HEG1: variants seen among roughly 807,000 people sequenced by gnomAD.
HEG1 encodes the protein heart development protein with EGF like domains 1.
HEG1 carries 56 observed loss-of-function variants against 125.6 expected under a neutral mutation model. That is an observed-to-expected ratio of 0.45 (90% CI 0.36 to 0.56). The LOEUF is 0.56. Among genes scored for constraint, HEG1 ranks in the 20% least tolerant of loss-of-function variants. The pLI is 0.00. For synonymous variants in HEG1, 644 were observed against 668.5 expected (o/e 0.96, Z 0.57); for missense variants, 1,523 against 1,670.0 (o/e 0.91, Z 1.53).
chr3:125,009,848 C>T (rs182093098), intron 7 of HEG1, 24 bp from the exon 8 acceptor site: 3 of 1,596,860 alleles, frequency 1.9e-6, no homozygotes, highest in South Asian at 2.3e-5. Flanking sequence ...AAAAGAAGAA[C>T]ATCTTGCATC....
At chr3:125,033,295 C>A (rs1321362155) in intron 1 of HEG1, among the ~76,000 whole-genome samples, 1 of 152,100 alleles carries the variant, frequency 6.6e-6, no homozygotes, top group East Asian at 1.9e-4. Context: ...GGCACCTGTT[C>A]AACATTTGTG....
chr3:124,979,432 T>A (rs1936610214), intron 14 of HEG1, among the ~76,000 whole-genome samples: 1 of 152,234 alleles, frequency 6.6e-6, no homozygotes. Flanking sequence ...TCAAATTTAA[T>A]TACCAGAAAT....
intron 11 of HEG1, among the ~76,000 whole-genome samples, chr3:125,000,002 A>C (rs1000700767): frequency 1.3e-5 from 2 of 152,164 alleles, no homozygotes; most frequent in African/African-American, 4.8e-5. Context: ...CTTATGCTGG[A>C]AACACCCAGA....
chr3:125,055,636 A>G lies in HEG1; in HGVS notation c.255T>C (p.Pro85=), dbSNP rs1206309964. 3.3e-6 allele frequency: 4 copies of G among 1,197,416 alleles called. No homozygotes were observed. Among genetic ancestry groups the G allele is most frequent in the Non-Finnish European group, 4.1e-6 (4 of 965,808 alleles). 74.2% of individuals were successfully genotyped at this position (1,197,416 alleles called of 1,614,324 possible). A position where few individuals can be genotyped will look rare whatever the true frequency, so the allele number is the denominator to read the frequency against. Residue 85 remains proline (P), a synonymous_variant, in exon 1 of 17, where the codon CCT becomes CCC. Coordinates refer to ENST00000311127, the MANE Select transcript of HEG1 (RefSeq NM_020733.2). ...PATPGPSYRA[P]EPGAATQRGP... ...CCCGCTGTGTCGCGGCGCCTGGCTC[A>G]GGGGCCCTGTAGCTGGGGCCGGGGG... is the stretch of plus-strand genomic sequence containing the variant.
At chr3:124,978,174 G>A (rs1017523738) in intron 14 of HEG1, among the ~76,000 whole-genome samples, 4 of 152,156 alleles carry the variant, frequency 2.6e-5, no homozygotes, top group Admixed American at 2.6e-4. Context: ...CTGAGACAGA[G>A]TCTCACCCTG....
chr3:125,000,853 T>C (rs1275382043), intron 11 of HEG1, among the ~76,000 whole-genome samples: 1 of 152,240 alleles, frequency 6.6e-6, no homozygotes, highest in African/African-American at 2.4e-5. Context: ...TGGTTTAGAC[T>C]AGATTCTCCA....
At chr3:125,032,268 G>C (rs1175067610) in intron 1 of HEG1, among the ~76,000 whole-genome samples, 2 of 152,188 alleles carry the variant, frequency 1.3e-5, no homozygotes, top group Non-Finnish European at 2.9e-5. Context: ...CACTTATTTG[G>C]GGTTAGGGGG....
intron 11 of HEG1, among the ~76,000 whole-genome samples, chr3:125,001,234 CTTT>C (rs200974260): frequency 6.9e-6 from 1 of 144,458 alleles, no homozygotes. Context: ...ACTGCACATG[CTTT>C]TTTTTTTTTT....
chr3:125,021,599 C>G (rs1425763999), intron 3 of HEG1, among the ~76,000 whole-genome samples: 1 of 152,178 alleles, frequency 6.6e-6, no homozygotes, highest in Non-Finnish European at 1.5e-5. Flanking sequence ...AGGTGCCCCA[C>G]CCCAGGTCAC....
At chr3:125,018,656 T>C (rs919099677) in intron 5 of HEG1, among the ~76,000 whole-genome samples, 4 of 152,256 alleles carry the variant, frequency 2.6e-5, no homozygotes, top group Non-Finnish European at 4.4e-5. Flanking sequence ...TATGGAGTTA[T>C]GGGTTGGCTA....
rs1234099623 is a variant in HEG1, at chr3:125,019,603, A to G, written c.1253-6T>C. 1 of 1,592,810 alleles carries G rather than the reference A, an allele frequency of 6.3e-7. No individual in the cohort carries two copies. The highest frequency in any genetic ancestry group is 1.3e-5 in the African/African-American group (1 of 74,502). Reference sequence around the variant, plus strand: ...AAGCTGATGTTCTCCAAAGGCTGTAAGGTAATATAGGAAAAAAAGGCCATT... The same window carrying G: ...AAGCTGATGTTCTCCAAAGGCTGTAGGGTAATATAGGAAAAAAAGGCCATT... On this transcript the variant is annotated splice_polypyrimidine_tract_variant and splice_region_variant and intron_variant, in intron 4 of 16. Coordinates refer to ENST00000311127, the MANE Select transcript of HEG1 (RefSeq NM_020733.2).
At chr3:124,990,751 C>A in intron 14 of HEG1, 36 bp downstream of exon 14, 1 of 1,552,204 alleles carries the variant, frequency 6.4e-7, no homozygotes, top group South Asian at 1.2e-5. Flanking sequence ...GGCCAGGCCC[C>A]TGCCCACGCA....
chr3:125,032,850 T>C (rs1285135082), intron 1 of HEG1, among the ~76,000 whole-genome samples: 2 of 152,118 alleles, frequency 1.3e-5, no homozygotes, highest in African/African-American at 2.4e-5. Context: ...GACTCAGCCA[T>C]TGGTGAGTGT....
At position 125,055,935 on chromosome 3, in the gene HEG1, A is replaced by AGGGCAGAGGGCAGC. The variant is rs1553781572; in HGVS notation, c.-46_-45insGCTGCCCTCTGCCC. The AGGGCAGAGGGCAGC allele has an allele frequency of 1.5e-5, 12 of 800,154 alleles. No homozygotes were observed. Among genetic ancestry groups the AGGGCAGAGGGCAGC allele is most frequent in the Non-Finnish European group, 1.8e-5 (12 of 664,220 alleles). 49.6% of individuals were successfully genotyped at this position (800,154 alleles called of 1,614,324 possible). A position where few individuals can be genotyped will look rare whatever the true frequency, so the allele number is the denominator to read the frequency against. Reference sequence around the variant, plus strand: ...GCTCACATGCCCGGCGCGCGGGGCGAGGGCAGCGGGCAGCGGGCAGCGGGC... The same window carrying AGGGCAGAGGGCAGC: ...GCTCACATGCCCGGCGCGCGGGGCGAGGGCAGAGGGCAGCGGGCAGCGGGCAGCGGGCAGCGGGC... On this transcript the variant is annotated 5_prime_UTR_variant, in exon 1 of 17. Coordinates refer to ENST00000311127, the MANE Select transcript of HEG1 (RefSeq NM_020733.2).
At chr3:125,027,032 G>A (rs1271832305) in intron 3 of HEG1, among the ~76,000 whole-genome samples, 173 bp downstream of exon 3, 1 of 152,050 alleles carries the variant, frequency 6.6e-6, no homozygotes, top group East Asian at 1.9e-4. Flanking sequence ...AGATAAACTG[G>A]GTAGGTTGTA....
At position 125,029,261 on chromosome 3, in the gene HEG1, TG is replaced by T; in HGVS notation, c.543del (p.Phe181LeufsTer12). The part of the protein sequence containing the change: ...GRSGSSSRTN[F>X]TILPVGYSLE... ...AGTGAGTACCCAACAGGCAAAATGG[TG>T]AAGTTTGTTCTACTTGAAGAGCCGC... On this transcript the variant is annotated frameshift_variant, in exon 2 of 17. Coordinates refer to ENST00000311127, the MANE Select transcript of HEG1 (RefSeq NM_020733.2). LOFTEE classifies it high-confidence loss of function. 1 of 1,613,590 alleles carries T rather than the reference TG, an allele frequency of 6.2e-7. No homozygotes were observed. The highest frequency in any genetic ancestry group is 8.5e-7 in the Non-Finnish European group (1 of 1,179,740).
intron 1 of HEG1, among the ~76,000 whole-genome samples, chr3:125,043,475 T>A (rs1937617909): frequency 6.6e-6 from 1 of 152,066 alleles, no homozygotes; most frequent in Non-Finnish European, 1.5e-5. Flanking sequence ...GTCAGAAGAT[T>A]CCCAGTTGGT....
chr3:125,031,437 T>G (rs1051058384), intron 1 of HEG1, among the ~76,000 whole-genome samples: 3 of 152,166 alleles, frequency 2.0e-5, no homozygotes, highest in African/African-American at 7.2e-5. Flanking sequence ...CCACATGAAG[T>G]TGTCACTGAT....
intron 1 of HEG1, among the ~76,000 whole-genome samples, chr3:125,044,385 A>G (rs2333039): frequency 0.35 from 53,427 of 150,806 alleles, 10,687 homozygotes; most frequent in South Asian, 0.5. Context: ...AAAAAGAAAT[A>G]AAGTTAAGGA....
Sources: gnomAD v4.1 joint callset for allele counts (sites outside exome capture counted in the v4.1 genomes callset) on GRCh38, gnomAD v4.1.1 for gene constraint, MANE v1.5 for transcripts, NCBI Gene and HGNC (gene_info 2026-07-23, HGNC 2026-07-21) for gene names.